Variants in PIGZ observed in about 807,000 individuals in gnomAD.
PIGZ encodes the protein phosphatidylinositol glycan anchor biosynthesis class Z (Gwada blood group), also known as GPI alpha-1,2-mannosyltransferase 4.
Under a neutral mutation model 16.4 loss-of-function variants are expected in PIGZ, and 16 were observed. The observed-to-expected ratio is 0.97, with a 90% CI of 0.66 to 1.48. The LOEUF is 1.48. Ranked by LOEUF, PIGZ falls within the 40% of genes most tolerant of loss-of-function variation. The probability of loss-of-function intolerance (pLI) is 0.00; values close to 1 mark genes in which losing one functional copy is unlikely to be tolerated. For missense variants in PIGZ, 770 were observed against 739.2 expected, an observed-to-expected ratio of 1.04 and a Z score of -0.48; for synonymous variants, 409 against 338.4, an observed-to-expected ratio of 1.21 and a Z score of -2.29.
Position 196,965,250 on chromosome 3 carries a change from TAC to T in PIGZ, c.-1+3435_-1+3436del, listed in dbSNP as rs1432400248. Among the ~76,000 whole-genome samples the T allele has an allele frequency of 3.3e-5, 5 of 152,190 alleles. No individual in the cohort carries two copies. Among genetic ancestry groups the T allele is most frequent in the African/African-American group, 1.2e-4 (5 of 41,442 alleles). On this transcript the variant is annotated intron_variant, in intron 1 of 2. Coordinates refer to ENST00000412723, the MANE Select transcript of PIGZ (RefSeq NM_025163.4). The surrounding 1 kb of genome is among the most constrained non-coding windows in gnomAD (Gnocchi z 4.2). ...ATTGCTGGGGAAGTTTCAGGAAACT[TAC>T]AGTCATAGCGGAAGGGGAAGCAGGC...
At chr3:196,949,307 C>CCGGA (rs1378069487) in intron 2 of PIGZ, among the ~76,000 whole-genome samples, 1 of 152,022 alleles carries the variant, frequency 6.6e-6, no homozygotes, top group Admixed American at 6.6e-5. Context: ...ATGCAGTGGG[C>CCGGA]CGGACCTAAT....
Position 196,947,597 on chromosome 3 carries a change from C to CT in PIGZ, c.1299_1300insA (p.Gly434ArgfsTer58). 6 of 1,613,686 alleles carry CT rather than the reference C, an allele frequency of 3.7e-6. No homozygotes were observed. The highest frequency in any genetic ancestry group is 5.1e-6 in the Non-Finnish European group (6 of 1,179,842). ...AGGTACTCCAGGCCAGGCACCAGGCCCCCCTGATGCAGGCAGCCGAAGAGG... is the reference window on the plus strand; with the variant it reads ...AGGTACTCCAGGCCAGGCACCAGGCCTCCCCTGATGCAGGCAGCCGAAGAGG... On this transcript the variant is annotated frameshift_variant, in exon 3 of 3. Transcript: ENST00000412723. LOFTEE classifies it high-confidence loss of function.
intron 1 of PIGZ, among the ~76,000 whole-genome samples, chr3:196,956,603 C>T (rs1717498753): frequency 6.6e-6 from 1 of 152,280 alleles, no homozygotes; most frequent in Admixed American, 6.5e-5. Flanking sequence ...TATCACAGAC[C>T]TTCTCAGTCT....
chr3:196,959,117 T>C (rs1717611800), intron 1 of PIGZ, among the ~76,000 whole-genome samples: 1 of 152,212 alleles, frequency 6.6e-6, no homozygotes, highest in African/African-American at 2.4e-5. Flanking sequence ...GCATCATGAC[T>C]TCCGCTATGG....
At position 196,949,025 on chromosome 3, in the gene PIGZ, CCTTCCTTCCCTT is replaced by C. The variant is rs1385911420; in HGVS notation, c.212-352_212-341del. 5.5e-4 allele frequency among the ~76,000 whole-genome samples: 30 copies of C among 54,424 alleles called. 8 individuals are homozygous for C. The East Asian group carries it at 0.018, about 33-fold the overall frequency. 35.7% of individuals were successfully genotyped at this position (54,424 alleles called of 152,430 possible). A position where few individuals can be genotyped will look rare whatever the true frequency, so the allele number is the denominator to read the frequency against. On this transcript the variant is annotated intron_variant, in intron 2 of 2. Transcript: ENST00000412723. Reference sequence around the variant, plus strand: ...ACTTCTCTTTCCCTCCCCTCCCTTCCCTTCCTTCCCTTCCTTCCTTCCCTTCCCTTCCTTCCC... The same window carrying C: ...ACTTCTCTTTCCCTCCCCTCCCTTCCCCTTCCTTCCCTTCCCTTCCTTCCC...
chr3:196,963,616 C>A (rs563360992), intron 1 of PIGZ, among the ~76,000 whole-genome samples: 1 of 152,236 alleles, frequency 6.6e-6, no homozygotes, highest in Non-Finnish European at 1.5e-5. Context: ...TACACCTTCC[C>A]AAACCAGTCA....
At position 196,947,102 on chromosome 3, in the gene PIGZ, G is replaced by A. The variant is rs1026827386; in HGVS notation, c.*55C>T. On this transcript the variant is annotated 3_prime_UTR_variant, in exon 3 of 3. Coordinates refer to ENST00000412723, the MANE Select transcript of PIGZ (RefSeq NM_025163.4). The stretch of plus-strand genomic sequence containing the variant: ...CCCAGCCCAGCTACCCAAGTAGAAG[G>A]TGGGGCGGCATCTTCTATGGCTGAG... 3.3e-5 allele frequency: 48 copies of A among 1,461,068 alleles called. No homozygotes were observed. The highest frequency in any genetic ancestry group is 1.4e-5 in the South Asian group (1 of 71,324). The allele number at this position is 1,461,068 out of a possible 1,614,324, so 90.5% of individuals were successfully genotyped here.
Position 196,948,081 on chromosome 3 carries a change from A to G in PIGZ, c.816T>C (p.Phe272=), listed in dbSNP as rs150154154. The G allele has an allele frequency of 2.4e-4, 378 of 1,588,860 alleles. 1 individual carries two copies. In the African/African-American group the frequency reaches 4.1e-3, roughly 17 times the overall value. Residue 272 remains phenylalanine, a synonymous_variant, in exon 3 of 3, where the codon TTT becomes TTC. Coordinates refer to ENST00000412723, the MANE Select transcript of PIGZ (RefSeq NM_025163.4). ...AGAAATACCAGCTGTCCGTGGCCAC[A>G]AACACCGCTGCTGTGAGGGCTGCCC... is the stretch of plus-strand genomic sequence containing the variant. The part of the protein sequence containing the change: ...LPGAALTAAV[F]VATDSWYFSS...
Position 196,947,464 on chromosome 3 carries a change from AGGC to A in PIGZ, c.1430_1432del (p.Gly477_Leu478delinsVal). On this transcript the variant is annotated inframe_deletion, in exon 3 of 3. Transcript: ENST00000412723. ...GTCCACCACCTCCACTGGTGCCCCC[AGGC>A]CTGGGAGGTGTAGGAGGTGCCGGGG... 1 of 1,613,592 alleles carries A rather than the reference AGGC, an allele frequency of 6.2e-7. No homozygotes were observed. Among genetic ancestry groups the A allele is most frequent in the Non-Finnish European group, 8.5e-7 (1 of 1,179,972 alleles).
chr3:196,959,238 A>T (rs555412224), intron 1 of PIGZ, among the ~76,000 whole-genome samples: 3 of 152,318 alleles, frequency 2.0e-5, no homozygotes, highest in South Asian at 4.1e-4. Context: ...CCCCTGCCCA[A>T]GCCTGTGCCA....
chr3:196,948,187 G>A lies in PIGZ; in HGVS notation c.710C>T (p.Pro237Leu). 6.2e-7 allele frequency: 1 copy of A among 1,614,108 alleles called. No homozygotes were observed. Among genetic ancestry groups the A allele is most frequent in the Non-Finnish European group, 8.5e-7 (1 of 1,179,996 alleles). Residue 237 changes from proline to leucine, a missense_variant, in exon 3 of 3, where the codon CCC becomes CTC. Coordinates refer to ENST00000412723, the MANE Select transcript of PIGZ (RefSeq NM_025163.4). ...RPTFLAFAVVPLYLWGTRGAT... is the reference protein window; with the variant it reads ...RPTFLAFAVVLLYLWGTRGAT... ...TCCACGAGTGCCCCAGAGGTAGAGG[G>A]GGACCACAGCAAAGGCCAGAAAGGT...
At chr3:196,952,317 A>C (rs1350970493) in intron 1 of PIGZ, among the ~76,000 whole-genome samples, 1 of 152,126 alleles carries the variant, frequency 6.6e-6, no homozygotes, top group Admixed American at 6.5e-5. Context: ...AAGGAGTCTG[A>C]TGGTTCATTT....
chr3:196,950,026 C>T (rs539996511), intron 2 of PIGZ, among the ~76,000 whole-genome samples: 30 of 151,878 alleles, frequency 2.0e-4, no homozygotes, highest in Non-Finnish European at 4.1e-4. Context: ...CACTCTGTCA[C>T]GCATGCTAGA....
In PIGZ at chr3:196,947,757, C is replaced by T. The variant is rs753256209; in HGVS notation, c.1140G>A (p.Leu380=). 72 of 1,611,668 alleles carry T rather than the reference C, an allele frequency of 4.5e-5. No individual in the cohort carries two copies. Among genetic ancestry groups the T allele is most frequent in the Non-Finnish European group, 6.0e-5 (71 of 1,178,900 alleles). ...LLLLYFMPLA[L]LSAFSHQEAR... is the part of the protein sequence containing the mutation. Reference sequence around the variant, plus strand: ...CCTCCTGGTGGCTAAAGGCAGATAGCAGGGCCAGAGGCATGAAGTAGAGGA... The same window carrying T: ...CCTCCTGGTGGCTAAAGGCAGATAGTAGGGCCAGAGGCATGAAGTAGAGGA... Residue 380 remains leucine, a synonymous_variant, in exon 3 of 3, where the codon CTG becomes CTA. Coordinates refer to ENST00000412723, the MANE Select transcript of PIGZ (RefSeq NM_025163.4).
chr3:196,955,253 AT>A (rs1372516324), intron 1 of PIGZ, among the ~76,000 whole-genome samples: 3 of 152,100 alleles, frequency 2.0e-5, no homozygotes, highest in Non-Finnish European at 2.9e-5. Flanking sequence ...TAATTTATTG[AT>A]TTTTTACTGC....
Position 196,947,738 on chromosome 3 carries a change from G to T in PIGZ, c.1159C>A (p.Gln387Lys), listed in dbSNP as rs751932908. 5.6e-6 allele frequency: 9 copies of T among 1,612,826 alleles called. No homozygotes were observed. The highest frequency in any genetic ancestry group is 7.6e-6 in the Non-Finnish European group (9 of 1,179,420). Reference sequence around the variant, plus strand: ...AGGGGAATCAGGAACCGAGCCTCCTGGTGGCTAAAGGCAGATAGCAGGGCC... The same window carrying T: ...AGGGGAATCAGGAACCGAGCCTCCTTGTGGCTAAAGGCAGATAGCAGGGCC... ...PLALLSAFSHQEARFLIPLLV... is the reference protein window; with the variant it reads ...PLALLSAFSHKEARFLIPLLV... The change falls in exon 3 of 3, where the codon CAG becomes AAG. Residue 387 changes from glutamine (Q) to lysine (K), a missense_variant. Coordinates refer to ENST00000412723, the MANE Select transcript of PIGZ (RefSeq NM_025163.4).
intron 1 of PIGZ, among the ~76,000 whole-genome samples, chr3:196,962,637 C>T (rs1366638355): frequency 6.6e-6 from 1 of 151,152 alleles, no homozygotes; most frequent in Non-Finnish European, 1.5e-5. Flanking sequence ...GTGAGACATG[C>T]TGGTGGCAAT....
intron 1 of PIGZ, among the ~76,000 whole-genome samples, chr3:196,963,133 C>T (rs550108325): frequency 3.5e-4 from 53 of 152,294 alleles, no homozygotes; most frequent in African/African-American, 1.1e-3. Context: ...GGTATCACTA[C>T]GTCCTTACTT....
chr3:196,948,752 G>C (rs1335639875), intron 2 of PIGZ, 67 bp from the exon 3 acceptor site: 5 of 1,222,886 alleles, frequency 4.1e-6, no homozygotes, highest in Admixed American at 5.9e-5. Context: ...TTCTAGGAGG[G>C]CACCCCACAT....
Sources: allele counts gnomAD v4.1 joint callset (sites outside exome capture counted in the v4.1 genomes callset), GRCh38; gene constraint gnomAD v4.1.1; non-coding constraint Gnocchi (gnomAD v3.1); transcripts MANE v1.5; gene names NCBI Gene and HGNC (gene_info 2026-07-23, HGNC 2026-07-21).